Variants in CAMK1D observed in about 807,000 individuals in gnomAD.
The protein encoded by CAMK1D is calcium/calmodulin dependent protein kinase ID.
CAMK1D carries 9 observed loss-of-function variants against 47.7 expected under a neutral mutation model. The ratio of observed to expected loss-of-function variants is 0.19; its 90% CI spans 0.11 to 0.33. The LOEUF is 0.33. Ranked by LOEUF, CAMK1D falls within the 10% of genes least tolerant of loss-of-function variation. The pLI is 1.00. For synonymous variants in CAMK1D, 184 were observed against 184.9 expected (o/e 0.99, Z 0.04); for missense variants, 291 against 488.7 (o/e 0.60, Z 3.81).
chr10:12,514,848 GTTTTA>G (rs55903848), intron 1 of CAMK1D, among the ~76,000 whole-genome samples: 21 of 151,852 alleles, frequency 1.4e-4, no homozygotes, highest in South Asian at 6.2e-4. Context: ...ATTTTATTGT[GTTTTA>G]TTTTATTTTA....
At chr10:12,381,524 C>G (rs1016924856) in intron 1 of CAMK1D, among the ~76,000 whole-genome samples, 1 of 151,946 alleles carries the variant, frequency 6.6e-6, no homozygotes, top group African/African-American at 2.4e-5. Flanking sequence ...TTAGTAGAGA[C>G]GGGTTTCACC....
chr10:12,790,078 G>A (rs1177502254), intron 5 of CAMK1D, among the ~76,000 whole-genome samples: 2 of 152,246 alleles, frequency 1.3e-5, no homozygotes, highest in Non-Finnish European at 2.9e-5. Context: ...AAGCCCCAAG[G>A]CCAGTAAAAG....
chr10:12,520,219 T>C (rs12267864), intron 1 of CAMK1D, among the ~76,000 whole-genome samples: 1,323 of 63,738 alleles, frequency 0.021, 58 homozygotes, highest in Admixed American at 0.029. Flanking sequence ...TCAGACGGGG[T>C]GGCCGGGCAG....
At chr10:12,706,332 G>A (rs1833724188) in intron 3 of CAMK1D, among the ~76,000 whole-genome samples, 1 of 152,176 alleles carries the variant, frequency 6.6e-6, no homozygotes, top group Non-Finnish European at 1.5e-5. Context: ...GCAGTTGACG[G>A]CAGGTAACTG....
chr10:12,573,715 C>A (rs1837397860), intron 2 of CAMK1D, among the ~76,000 whole-genome samples: 1 of 150,538 alleles, frequency 6.6e-6, no homozygotes, highest in Non-Finnish European at 1.5e-5. Context: ...GTGCAGTGGC[C>A]TGATCTGGAC....
At position 12,599,474 on chromosome 10, in the gene CAMK1D, A is replaced by G. The variant is rs946651098; in HGVS notation, c.224+46118A>G. 4.6e-5 allele frequency among the ~76,000 whole-genome samples: 7 copies of G among 152,224 alleles called. No homozygotes were observed. In the East Asian group the frequency reaches 1.2e-3, roughly 25 times the overall value. ...CCTGGCATCAGAGAGTAGGCAGTGC[A>G]CTGCCTCAAAGGAGAAACCCTCTGG... On this transcript the variant is annotated intron_variant, in intron 2 of 10. Transcript: ENST00000619168.
chr10:12,748,772 G>A (rs1296555599), intron 3 of CAMK1D, among the ~76,000 whole-genome samples: 2 of 152,168 alleles, frequency 1.3e-5, no homozygotes, highest in Non-Finnish European at 2.9e-5. Context: ...AGTTGTGGTG[G>A]TGCACACCTG....
intron 2 of CAMK1D, among the ~76,000 whole-genome samples, chr10:12,580,411 C>T (rs1464439054): frequency 1.3e-5 from 2 of 149,260 alleles, no homozygotes; most frequent in African/African-American, 2.5e-5. Flanking sequence ...CCTTGTCTCC[C>T]GGGTGACAGT....
At chr10:12,389,956 T>C (rs1258020459) in intron 1 of CAMK1D, among the ~76,000 whole-genome samples, 1 of 152,090 alleles carries the variant, frequency 6.6e-6, no homozygotes, top group Admixed American at 6.6e-5. Context: ...TTCCTGTGGG[T>C]CATCTTTGTG....
chr10:12,806,588 G>C (rs2131054075), intron 6 of CAMK1D, among the ~76,000 whole-genome samples: 1 of 152,320 alleles, frequency 6.6e-6, no homozygotes, highest in East Asian at 1.9e-4. Flanking sequence ...CAGCCCAGCA[G>C]GGCCTAACCG....
intron 1 of CAMK1D, among the ~76,000 whole-genome samples, chr10:12,401,956 C>T (rs35155662): frequency 0.18 from 27,931 of 151,144 alleles, 2,679 homozygotes; most frequent in Admixed American, 0.2. Context: ...AGTACAGTGG[C>T]GCGATCTCCG....
rs1215977130 is a variant in CAMK1D, at chr10:12,751,050, CAATAA to C, written c.300-9897_300-9893del. 6.0e-5 allele frequency among the ~76,000 whole-genome samples: 8 copies of C among 132,658 alleles called. No individual in the cohort carries two copies. In the East Asian group the frequency reaches 9.2e-4, roughly 15 times the overall value. The allele number at this position is 132,658 out of a possible 152,430, so 87.0% of individuals were successfully genotyped here. A position where few individuals can be genotyped will look rare whatever the true frequency, so the allele number is the denominator to read the frequency against. The stretch of plus-strand genomic sequence containing the variant: ...CCTGGGTGACGGAGCCCGTCTCCCC[CAATAA>C]GATAAGATAAGATAAGATAAGATAA... On this transcript the variant is annotated intron_variant, in intron 3 of 10. Transcript: ENST00000619168.
intron 1 of CAMK1D, among the ~76,000 whole-genome samples, chr10:12,372,494 C>T (rs1331499129): frequency 6.6e-6 from 1 of 152,222 alleles, no homozygotes; most frequent in African/African-American, 2.4e-5. Context: ...CAGTTTTGCC[C>T]CTTGAGCTCT....
chr10:12,760,112 T>C (rs568154528), intron 3 of CAMK1D, among the ~76,000 whole-genome samples: 30 of 152,360 alleles, frequency 2.0e-4, no homozygotes, highest in Admixed American at 4.6e-4. Flanking sequence ...GTATTCTGGC[T>C]TGTACACTTC....
chr10:12,544,573 A>T (rs1045193552), intron 1 of CAMK1D, among the ~76,000 whole-genome samples: 4 of 152,274 alleles, frequency 2.6e-5, no homozygotes, highest in Non-Finnish European at 5.9e-5. Context: ...ATGTTTTAAA[A>T]TAAATCAGGA....
At chr10:12,687,853 A>G (rs763480833) in intron 3 of CAMK1D, among the ~76,000 whole-genome samples, 3 of 152,208 alleles carry the variant, frequency 2.0e-5, no homozygotes, top group Non-Finnish European at 2.9e-5. Context: ...TTTCTTGCCA[A>G]TATACCTCCT....
intron 1 of CAMK1D, among the ~76,000 whole-genome samples, chr10:12,488,539 C>T (rs371492216): frequency 2.3e-4 from 35 of 152,130 alleles, no homozygotes; most frequent in African/African-American, 8.0e-4. Flanking sequence ...GGGATGGTTT[C>T]GGGATGATTC....
Position 12,769,521 on chromosome 10 carries a change from C to T in CAMK1D, c.439-152C>T, listed in dbSNP as rs1836936436. 1.1e-5 allele frequency: 8 copies of T among 738,212 alleles called. No homozygotes were observed. The East Asian group carries it at 2.2e-4, about 20-fold the overall frequency. 45.7% of individuals were successfully genotyped at this position (738,212 alleles called of 1,614,324 possible). A position where few individuals can be genotyped will look rare whatever the true frequency, so the allele number is the denominator to read the frequency against. ...CTGTGCCGGGCGCTCTGCACTGTTT[C>T]TATTGGCCGCCGCTTTAGTTGATGC... On this transcript the variant is annotated intron_variant, in intron 4 of 10. Transcript: ENST00000619168.
At chr10:12,715,603 T>TA (rs1834096750) in intron 3 of CAMK1D, among the ~76,000 whole-genome samples, 2 of 152,118 alleles carry the variant, frequency 1.3e-5, no homozygotes. Context: ...CCTTTTATGT[T>TA]ATGTGATATA....
Sources: allele counts gnomAD v4.1 joint callset (sites outside exome capture counted in the v4.1 genomes callset), GRCh38; gene constraint gnomAD v4.1.1; transcripts MANE v1.5; gene names NCBI Gene and HGNC (gene_info 2026-07-23, HGNC 2026-07-21).